Variants in SCFD2 observed in about 807,000 individuals in gnomAD.
The protein encoded by SCFD2 is sec1 family domain-containing protein 2.
Under a neutral mutation model 58.9 loss-of-function variants are expected in SCFD2, and 54 were observed. That is an observed-to-expected ratio of 0.92 (90% confidence interval 0.74 to 1.15). The LOEUF (loss-of-function observed/expected upper bound fraction) is 1.15. Ranked by LOEUF, SCFD2 falls within the 50% of genes most tolerant of loss-of-function variation. SCFD2 has a pLI of 0.00. For missense variants in SCFD2, 805 were observed against 836.6 expected (o/e 0.96, Z 0.47); for synonymous variants, 321 against 335.9 (o/e 0.96, Z 0.49).
intron 5 of SCFD2, among the ~76,000 whole-genome samples, chr4:53,024,063 G>A (rs1297227366): frequency 6.6e-6 from 1 of 152,044 alleles, no homozygotes; most frequent in Non-Finnish European, 1.5e-5. Context: ...CTTATTCTTG[G>A]GCATCTAGAA....
intron 5 of SCFD2, among the ~76,000 whole-genome samples, chr4:53,064,782 T>C (rs1018301014): frequency 1.3e-5 from 2 of 152,124 alleles, no homozygotes; most frequent in African/African-American, 2.4e-5. Flanking sequence ...TCTGGACAAG[T>C]TTCTTAACTT....
chr4:53,037,737 T>A (rs1722801183), intron 5 of SCFD2, among the ~76,000 whole-genome samples: 1 of 152,152 alleles, frequency 6.6e-6, no homozygotes, highest in Admixed American at 6.5e-5. Context: ...CAACCTTAAC[T>A]CTTTTTGGAC....
intron 7 of SCFD2, among the ~76,000 whole-genome samples, chr4:52,886,155 C>A (rs1214311691): frequency 6.6e-6 from 1 of 152,180 alleles, no homozygotes; most frequent in Admixed American, 6.5e-5. Flanking sequence ...TTTACATATA[C>A]CTACCCTTCC....
chr4:53,062,647 C>T (rs1023729555), intron 5 of SCFD2, among the ~76,000 whole-genome samples: 1 of 152,188 alleles, frequency 6.6e-6, no homozygotes, highest in Non-Finnish European at 1.5e-5. Flanking sequence ...GAGAACAGTG[C>T]TCTGATGGAA....
At chr4:53,222,767 G>A (rs17082523) in intron 4 of SCFD2, among the ~76,000 whole-genome samples, 2,326 of 152,220 alleles carry the variant, frequency 0.015, 72 homozygotes, top group African/African-American at 0.053. Context: ...TATGCCAGAA[G>A]AAAGAACTGG....
chr4:53,173,041 A>G (rs907712176), intron 4 of SCFD2, among the ~76,000 whole-genome samples: 3 of 152,128 alleles, frequency 2.0e-5, no homozygotes, highest in African/African-American at 7.2e-5. Context: ...TGTTAGGTAC[A>G]ATATATTTAT....
intron 4 of SCFD2, among the ~76,000 whole-genome samples, chr4:53,220,438 C>A (rs550752938): frequency 1.3e-5 from 2 of 152,298 alleles, no homozygotes; most frequent in South Asian, 4.1e-4. Flanking sequence ...CCACATGGAA[C>A]AATTGACTAT....
chr4:53,093,588 A>G (rs1186347651), intron 5 of SCFD2, among the ~76,000 whole-genome samples: 1 of 152,214 alleles, frequency 6.6e-6, no homozygotes, highest in African/African-American at 2.4e-5. Flanking sequence ...CCACTGTGAG[A>G]TAAGTTAGAG....
At chr4:52,899,537 T>G (rs1463509459) in intron 7 of SCFD2, among the ~76,000 whole-genome samples, 1 of 152,240 alleles carries the variant, frequency 6.6e-6, no homozygotes, top group Non-Finnish European at 1.5e-5. Context: ...TCTGATGGGC[T>G]TCCCTTTGTG....
chr4:52,974,557 G>A (rs1469864670), intron 5 of SCFD2, among the ~76,000 whole-genome samples: 1 of 152,298 alleles, frequency 6.6e-6, no homozygotes, highest in Non-Finnish European at 1.5e-5. Flanking sequence ...ATGCTCATGG[G>A]TAGGAAGAAT....
intron 5 of SCFD2, among the ~76,000 whole-genome samples, chr4:52,930,404 A>G (rs1719963819): frequency 6.6e-6 from 1 of 152,194 alleles, no homozygotes; most frequent in Non-Finnish European, 1.5e-5. Flanking sequence ...ACTAGGAGAA[A>G]CACTAGGAGA....
chr4:53,213,861 T>C (rs1728709560), intron 4 of SCFD2, among the ~76,000 whole-genome samples: 1 of 152,092 alleles, frequency 6.6e-6, no homozygotes, highest in Non-Finnish European at 1.5e-5. Flanking sequence ...TGTGTCCATG[T>C]ATTCTCATTG....
chr4:52,997,052 T>A (rs1207328698), intron 5 of SCFD2, among the ~76,000 whole-genome samples: 1 of 152,216 alleles, frequency 6.6e-6, no homozygotes, highest in Admixed American at 6.5e-5. Flanking sequence ...TTATCTTGCT[T>A]CAGGGGCATG....
chr4:53,299,091 C>A (rs970405793), intron 3 of SCFD2, among the ~76,000 whole-genome samples: 3 of 152,084 alleles, frequency 2.0e-5, no homozygotes, highest in Admixed American at 1.3e-4. Flanking sequence ...CAAAGCTGGA[C>A]GGAGAATGAC....
chr4:53,110,068 A>T (rs539612293), intron 5 of SCFD2, among the ~76,000 whole-genome samples: 43 of 152,018 alleles, frequency 2.8e-4, no homozygotes, highest in Non-Finnish European at 5.4e-4. Context: ...AACAGAACAG[A>T]GGCCTCAGAA....
rs140025214 is a variant in SCFD2, at chr4:52,986,482, C to A, written c.1562-65612G>T. Reference sequence around the variant, plus strand: ...ACTACCTTCATCTCAAGCTTAGGATCTTCATGAAATTTTTTTTTTTTTTTT... The same window carrying A: ...ACTACCTTCATCTCAAGCTTAGGATATTCATGAAATTTTTTTTTTTTTTTT... On this transcript the variant is annotated intron_variant, in intron 5 of 8. Coordinates refer to ENST00000401642, the MANE Select transcript of SCFD2 (RefSeq NM_152540.4). Among the ~76,000 whole-genome samples the A allele has an allele frequency of 3.1e-3, 440 of 141,602 alleles. 5 individuals are homozygous for A. Among genetic ancestry groups the A allele is most frequent in the African/African-American group, 0.011 (417 of 38,190 alleles). The allele number at this position is 141,602 out of a possible 152,430, so 92.9% of individuals were successfully genotyped here. A position where few individuals can be genotyped will look rare whatever the true frequency, so the allele number is the denominator to read the frequency against.
rs1273779407 is a variant in SCFD2 at position 53,229,778 on chromosome 4, C to T, written c.1311+44048G>A. Among the ~76,000 whole-genome samples, 7 of 152,180 alleles carry T rather than the reference C, an allele frequency of 4.6e-5. No homozygotes were observed. The East Asian group carries it at 1.4e-3, about 29-fold the overall frequency. On this transcript the variant is annotated intron_variant, in intron 4 of 8. Transcript: ENST00000401642. ...AAGCCAGAATTGACAAATGGGATCTCATTAAACTAAAGAGCTTCTGCGCAG... is the reference window on the plus strand; with the variant it reads ...AAGCCAGAATTGACAAATGGGATCTTATTAAACTAAAGAGCTTCTGCGCAG...
chr4:53,097,238 C>A (rs1280763882), intron 5 of SCFD2, among the ~76,000 whole-genome samples: 1 of 152,082 alleles, frequency 6.6e-6, no homozygotes, highest in Non-Finnish European at 1.5e-5. Context: ...GTTGTTTTTT[C>A]CAATTCTGTG....
At chr4:53,349,536 A>C (rs1734153379) in intron 2 of SCFD2, among the ~76,000 whole-genome samples, 1 of 152,182 alleles carries the variant, frequency 6.6e-6, no homozygotes, top group Non-Finnish European at 1.5e-5. Context: ...GTCTCTTGTC[A>C]GTAGCAAAGA....
Sources: allele counts gnomAD v4.1 joint callset (sites outside exome capture counted in the v4.1 genomes callset), GRCh38; gene constraint gnomAD v4.1.1; transcripts MANE v1.5; gene names NCBI Gene and HGNC (gene_info 2026-07-23, HGNC 2026-07-21).